STEAP1B: variants seen among roughly 807,000 people sequenced by gnomAD.
STEAP1B encodes the protein STEAP family protein MGC87042.
STEAP1B carries 13 observed loss-of-function variants against 27.9 expected under a neutral mutation model. The observed-to-expected ratio is 0.47, with a 90% confidence interval of 0.30 to 0.74. STEAP1B has a LOEUF of 0.74. Among genes scored for constraint, STEAP1B ranks in the 30% least tolerant of loss-of-function variants. STEAP1B has a pLI of 0.06. For synonymous variants in STEAP1B, 86 were observed against 107.1 expected (o/e 0.80, Z 1.22); for missense variants, 250 against 298.7 (o/e 0.84, Z 1.20).
At chr7:22,433,966 G>T (rs781262854) in intron 4 of STEAP1B, among the ~76,000 whole-genome samples, 17 of 152,166 alleles carry the variant, frequency 1.1e-4, no homozygotes, top group Admixed American at 2.0e-4. Flanking sequence ...ACATCCATTG[G>T]ACCCATCCTG....
At chr7:22,494,947 T>C in intron 1 of STEAP1B, 61 bp from the exon 2 acceptor site, 1 of 870,748 alleles carries the variant, frequency 1.1e-6, no homozygotes, top group Non-Finnish European at 1.7e-6. Flanking sequence ...ATGTCTGATG[T>C]AACAATATAA....
At chr7:22,455,302 G>T (rs1785561470) in intron 4 of STEAP1B, among the ~76,000 whole-genome samples, 1 of 152,176 alleles carries the variant, frequency 6.6e-6, no homozygotes, top group Non-Finnish European at 1.5e-5. Context: ...AGCGTTAATG[G>T]ATTTTGCCAG....
At chr7:22,477,287 C>T (rs910601257) in intron 4 of STEAP1B, among the ~76,000 whole-genome samples, 4 of 152,198 alleles carry the variant, frequency 2.6e-5, no homozygotes, top group African/African-American at 9.7e-5. Flanking sequence ...ATCCCTCTTG[C>T]CAGGCCTGAA....
chr7:22,454,324 A>C (rs1785535857), intron 4 of STEAP1B, among the ~76,000 whole-genome samples: 1 of 152,086 alleles, frequency 6.6e-6, no homozygotes, highest in African/African-American at 2.4e-5. Context: ...CAAAGATCTT[A>C]TTGGAGAGTG....
chr7:22,472,389 T>C (rs73083192), intron 4 of STEAP1B, among the ~76,000 whole-genome samples: 13,810 of 152,266 alleles, frequency 0.091, 689 homozygotes, highest in Non-Finnish European at 0.12. Context: ...TTGTCATTCC[T>C]AGGCCAATAG....
At position 22,449,199 on chromosome 7, in the gene STEAP1B, T is replaced by C. The variant is rs1583636606; in HGVS notation, c.763-29363A>G. ...ATGATTAAATTATTATTGACTATAG[T>C]CACCCTGTTGTATTATCAAATAGTA... On this transcript the variant is annotated intron_variant, in intron 4 of 4. Coordinates refer to ENST00000678116, the MANE Select transcript of STEAP1B (RefSeq NM_001382447.1). Among the ~76,000 whole-genome samples the C allele has an allele frequency of 5.3e-5, 8 of 152,326 alleles. No homozygotes were observed. The Middle Eastern group carries it at 0.014, about 259-fold the overall frequency.
At chr7:22,450,355 G>A (rs747965669) in intron 4 of STEAP1B, among the ~76,000 whole-genome samples, 9 of 152,176 alleles carry the variant, frequency 5.9e-5, no homozygotes, top group Non-Finnish European at 1.2e-4. Context: ...TTTTGTATAT[G>A]GTGAGAGATA....
At chr7:22,484,082 G>A (rs371110738) in intron 4 of STEAP1B, among the ~76,000 whole-genome samples, 14 of 152,322 alleles carry the variant, frequency 9.2e-5, no homozygotes, top group African/African-American at 3.1e-4. Flanking sequence ...TCTCCATAAC[G>A]TAGAAGTGCA....
In STEAP1B at chr7:22,419,787, G is replaced by T; in HGVS notation, c.*17C>A. On this transcript the variant is annotated 3_prime_UTR_variant, in exon 5 of 5. Coordinates refer to ENST00000678116, the MANE Select transcript of STEAP1B (RefSeq NM_001382447.1). ...AAGCCTCGTTCTCATTTCCTCTCATGTTACTGGCAGGATCTGTCACAAGGT... is the reference window on the plus strand; with the variant it reads ...AAGCCTCGTTCTCATTTCCTCTCATTTTACTGGCAGGATCTGTCACAAGGT... The T allele has an allele frequency of 6.5e-7, 1 of 1,549,134 alleles. No homozygotes were observed.
At chr7:22,436,158 A>G (rs1298283457) in intron 4 of STEAP1B, among the ~76,000 whole-genome samples, 2 of 152,172 alleles carry the variant, frequency 1.3e-5, no homozygotes, top group Non-Finnish European at 2.9e-5. Flanking sequence ...TTAGATAAAT[A>G]AAAGGCTTAT....
At chr7:22,491,426 TTCA>T (rs1786319482) in intron 4 of STEAP1B, among the ~76,000 whole-genome samples, 1 of 152,162 alleles carries the variant, frequency 6.6e-6, no homozygotes, top group South Asian at 2.1e-4. Context: ...AATAAAGCAG[TTCA>T]TCATTATTTA....
At chr7:22,474,992 G>A (rs1785946142) in intron 4 of STEAP1B, among the ~76,000 whole-genome samples, 1 of 152,202 alleles carries the variant, frequency 6.6e-6, no homozygotes, top group Admixed American at 6.5e-5. Context: ...TTCTTTGAAT[G>A]AGCTGATATA....
At position 22,421,562 on chromosome 7, in the gene STEAP1B, C is replaced by T. The variant is rs149496952; in HGVS notation, c.763-1726G>A. On this transcript the variant is annotated intron_variant, in intron 4 of 4. Coordinates refer to ENST00000678116, the MANE Select transcript of STEAP1B (RefSeq NM_001382447.1). ...GGGGTTTCTCCCTGTTGCCTGCAGG[C>T]ACAGCTAAGCAGTTCCATGGATGTT... is the stretch of plus-strand genomic sequence containing the variant. Among the ~76,000 whole-genome samples, 1,365 of 152,316 alleles carry T rather than the reference C, an allele frequency of 9.0e-3. 19 individuals are homozygous for T. Among genetic ancestry groups the T allele is most frequent in the African/African-American group, 0.031 (1,292 of 41,580 alleles).
chr7:22,442,367 A>G (rs1231185513), intron 4 of STEAP1B, among the ~76,000 whole-genome samples: 1 of 152,264 alleles, frequency 6.6e-6, no homozygotes, highest in East Asian at 1.9e-4. Context: ...CTCCCAGCTA[A>G]TAACAGTGGC....
intron 4 of STEAP1B, among the ~76,000 whole-genome samples, chr7:22,456,583 A>T (rs1198096695): frequency 1.3e-5 from 2 of 152,156 alleles, no homozygotes; most frequent in Non-Finnish European, 2.9e-5. Flanking sequence ...TGAGACACAA[A>T]CGGAATTTTT....
chr7:22,473,353 C>T (rs1267921585), intron 4 of STEAP1B, among the ~76,000 whole-genome samples: 1 of 152,154 alleles, frequency 6.6e-6, no homozygotes, highest in Non-Finnish European at 1.5e-5. Flanking sequence ...TTCATCTTAG[C>T]CTAGATGTAG....
chr7:22,482,695 G>C (rs1786103744), intron 4 of STEAP1B, among the ~76,000 whole-genome samples: 1 of 152,168 alleles, frequency 6.6e-6, no homozygotes, highest in Non-Finnish European at 1.5e-5. Context: ...TTGGCCAAGG[G>C]CAATTCTCCA....
chr7:22,467,196 CT>C (rs1356327736), intron 4 of STEAP1B, among the ~76,000 whole-genome samples: 3 of 152,234 alleles, frequency 2.0e-5, no homozygotes, highest in Non-Finnish European at 4.4e-5. Flanking sequence ...TAATGACCCA[CT>C]TTTAGTAGAA....
At chr7:22,497,447 TAGAC>T (rs897611316) in intron 1 of STEAP1B, among the ~76,000 whole-genome samples, 18 of 152,208 alleles carry the variant, frequency 1.2e-4, no homozygotes, top group African/African-American at 4.3e-4. Context: ...ATTTTTCAGT[TAGAC>T]AGTCAACACA....
Sources: gnomAD v4.1 joint callset for allele counts (sites outside exome capture counted in the v4.1 genomes callset) on GRCh38, gnomAD v4.1.1 for gene constraint, MANE v1.5 for transcripts, NCBI Gene and HGNC (gene_info 2026-07-23, HGNC 2026-07-21) for gene names.